KCTD3: variants seen among roughly 807,000 people sequenced by gnomAD.
KCTD3 encodes the protein potassium channel tetramerization domain containing 3.
Under a neutral mutation model 85.8 loss-of-function variants are expected in KCTD3, and 41 were observed. That is an observed-to-expected ratio of 0.48 (90% CI 0.37 to 0.62). The LOEUF (loss-of-function observed/expected upper bound fraction) is 0.62, where lower values mean the gene tolerates loss of function less well. Ranked by LOEUF, KCTD3 falls within the 20% of genes least tolerant of loss-of-function variation. The probability of loss-of-function intolerance (pLI) is 0.00; values close to 1 mark genes in which losing one functional copy is unlikely to be tolerated. For synonymous variants in KCTD3, 338 were observed against 345.4 expected, an observed-to-expected ratio of 0.98 and a Z score of 0.24; for missense variants, 724 against 989.9, an observed-to-expected ratio of 0.73 and a Z score of 3.60.
intron 12 of KCTD3, among the ~76,000 whole-genome samples, chr1:215,602,866 AC>A (rs879816090): frequency 6.6e-6 from 1 of 152,222 alleles, no homozygotes; most frequent in Non-Finnish European, 1.5e-5. Flanking sequence ...ATTAAAAGAA[AC>A]CATAATTTTT....
chr1:215,611,918 A>G lies in KCTD3; in HGVS notation c.1559A>G (p.Lys520Arg), dbSNP rs144747955. Residue 520 changes from lysine (K) to arginine (R), a missense_variant, in exon 15 of 18, where the codon AAA becomes AGA. Around this residue, in one of 6 missense-constraint regions of KCTD3, gnomAD observed 136 missense variants for 197.6 expected, o/e 0.69. Transcript: ENST00000259154. ...KLFVRLSSTGKRICEIQAVDC... is the reference protein window; with the variant it reads ...KLFVRLSSTGRRICEIQAVDC... Reference sequence around the variant, plus strand: ...TTTGTAAGACTCTCATCGACTGGAAAAAGGTAACACTTTATTGTAAAAATA... The same window carrying G: ...TTTGTAAGACTCTCATCGACTGGAAGAAGGTAACACTTTATTGTAAAAATA... The G allele has an allele frequency of 3.2e-6, 5 of 1,586,190 alleles. No homozygotes were observed. In the East Asian group the frequency reaches 6.7e-5, roughly 21 times the overall value.
intron 17 of KCTD3, among the ~76,000 whole-genome samples, chr1:215,619,650 T>A (rs1458540493): frequency 6.6e-6 from 1 of 152,194 alleles, no homozygotes; most frequent in East Asian, 1.9e-4. Flanking sequence ...TGTGGTTCTA[T>A]TATGTTGTCT....
intron 9 of KCTD3, among the ~76,000 whole-genome samples, chr1:215,587,150 G>GA (rs1660040324): frequency 6.9e-6 from 1 of 144,992 alleles, no homozygotes; most frequent in Non-Finnish European, 1.5e-5. Context: ...TTTTTTTTGA[G>GA]ACTGAGTCTC....
Position 215,621,695 on chromosome 1 carries a change from T to A in KCTD3, c.*1077T>A, listed in dbSNP as rs1327241028. 1 of 152,450 alleles carries A rather than the reference T, an allele frequency of 6.6e-6. No individual in the cohort carries two copies. Among genetic ancestry groups the A allele is most frequent in the African/African-American group, 2.4e-5 (1 of 41,364 alleles). The allele number at this position is 152,450 out of a possible 1,614,324, so 9.4% of individuals were successfully genotyped here. The stretch of plus-strand genomic sequence containing the variant: ...GTATATATCCCCATTCCAAGAAATA[T>A]AAGTGAGTGAAGTTGAAATAAAATC... On this transcript the variant is annotated 3_prime_UTR_variant, in exon 18 of 18. Coordinates refer to ENST00000259154, the MANE Select transcript of KCTD3 (RefSeq NM_016121.5).
chr1:215,580,735 CTATT>C (rs1388778732), intron 8 of KCTD3, among the ~76,000 whole-genome samples: 4 of 152,012 alleles, frequency 2.6e-5, no homozygotes, highest in Non-Finnish European at 5.9e-5. Context: ...GATACATAAA[CTATT>C]TGTTTATCAC....
chr1:215,580,112 C>T (rs905925414), intron 8 of KCTD3, 113 bp downstream of exon 8: 27 of 670,220 alleles, frequency 4.0e-5, no homozygotes, highest in Non-Finnish European at 6.4e-5. Flanking sequence ...AGTTTTTTCC[C>T]TGCATATTTT....
intron 8 of KCTD3, among the ~76,000 whole-genome samples, chr1:215,584,524 G>A (rs549348828): frequency 6.6e-6 from 1 of 152,316 alleles, no homozygotes; most frequent in African/African-American, 2.4e-5. Flanking sequence ...ACCTGTATGA[G>A]TTGGGTAAGT....
At chr1:215,595,093 G>A (rs1480561016) in intron 9 of KCTD3, among the ~76,000 whole-genome samples, 1 of 152,134 alleles carries the variant, frequency 6.6e-6, no homozygotes, top group Non-Finnish European at 1.5e-5. Flanking sequence ...TTGATGATCA[G>A]CTGAGGTTAG....
chr1:215,612,330 C>G (rs1334880569), intron 15 of KCTD3, among the ~76,000 whole-genome samples: 1 of 152,088 alleles, frequency 6.6e-6, no homozygotes, highest in Non-Finnish European at 1.5e-5. Flanking sequence ...GATTCAGTAT[C>G]CCCTTTTAAA....
At chr1:215,572,915 CA>C (rs1659420439) in intron 1 of KCTD3, among the ~76,000 whole-genome samples, 1 of 152,092 alleles carries the variant, frequency 6.6e-6, no homozygotes, top group Admixed American at 6.6e-5. Flanking sequence ...CATTGTAGTT[CA>C]AGGTGATATC....
intron 4 of KCTD3, 29 bp from the exon 5 acceptor site, chr1:215,577,641 G>A (rs1659640104): frequency 6.8e-7 from 1 of 1,480,380 alleles, no homozygotes; most frequent in Non-Finnish European, 9.4e-7. Context: ...TCCAGTGTTA[G>A]AGAATTTACA....
In KCTD3 at chr1:215,571,335, A is replaced by G. The variant is rs1659357741; in HGVS notation, c.84-2451A>G. Among the ~76,000 whole-genome samples, 3 of 152,154 alleles carry G rather than the reference A, an allele frequency of 2.0e-5. No homozygotes were observed. In the South Asian group the frequency reaches 6.2e-4, roughly 31 times the overall value. ...AATCTGTGTATTTTTTATTTTTCTT[A>G]AGAGTCTATTAAGAAACGCATTTAG... On this transcript the variant is annotated intron_variant, in intron 1 of 17. Coordinates refer to ENST00000259154, the MANE Select transcript of KCTD3 (RefSeq NM_016121.5).
intron 9 of KCTD3, among the ~76,000 whole-genome samples, chr1:215,589,385 G>A (rs1278043408): frequency 2.6e-5 from 4 of 152,084 alleles, no homozygotes; most frequent in Non-Finnish European, 5.9e-5. Context: ...TAGTGATCCT[G>A]CTACCTTGGC....
intron 12 of KCTD3, among the ~76,000 whole-genome samples, 160 bp from the exon 13 acceptor site, chr1:215,603,972 C>T (rs1260797449): frequency 6.6e-6 from 1 of 151,818 alleles, no homozygotes; most frequent in Non-Finnish European, 1.5e-5. Context: ...TTAAGATGAC[C>T]GGAGAAGTCT....
At chr1:215,584,775 A>G (rs1052383365) in intron 8 of KCTD3, among the ~76,000 whole-genome samples, 7 of 152,184 alleles carry the variant, frequency 4.6e-5, no homozygotes, top group African/African-American at 1.4e-4. Flanking sequence ...AGTTTCTCCA[A>G]TTGTGTCCTG....
intron 8 of KCTD3, among the ~76,000 whole-genome samples, chr1:215,585,276 G>T (rs1031766196): frequency 6.6e-6 from 1 of 152,164 alleles, no homozygotes; most frequent in Non-Finnish European, 1.5e-5. Flanking sequence ...GGTGGCTGAA[G>T]AGGGTGGTTA....
intron 8 of KCTD3, among the ~76,000 whole-genome samples, chr1:215,581,746 C>T (rs142495665): frequency 1.3e-5 from 2 of 152,170 alleles, no homozygotes; most frequent in East Asian, 1.9e-4. Flanking sequence ...TGTAAAGTGA[C>T]GAAGGAAGAC....
intron 10 of KCTD3, among the ~76,000 whole-genome samples, chr1:215,599,365 A>G (rs906755518): frequency 6.6e-6 from 1 of 152,240 alleles, no homozygotes; most frequent in Non-Finnish European, 1.5e-5. Flanking sequence ...AGGTTAAAAC[A>G]TCCTGTAAAA....
intron 9 of KCTD3, among the ~76,000 whole-genome samples, chr1:215,589,513 G>A (rs547861387): frequency 6.6e-6 from 1 of 152,118 alleles, no homozygotes; most frequent in Non-Finnish European, 1.5e-5. Flanking sequence ...ATGCAAAAAT[G>A]TTTTGCTACA....
Sources: gnomAD v4.1 joint callset for allele counts (sites outside exome capture counted in the v4.1 genomes callset) on GRCh38, gnomAD v4.1.1 for gene constraint, gnomAD v4.1.1 regional missense constraint, MANE v1.5 for transcripts, NCBI Gene and HGNC (gene_info 2026-07-23, HGNC 2026-07-21) for gene names.